Variants in GSK3B observed in about 807,000 individuals in gnomAD.
GSK3B encodes the protein glycogen synthase kinase-3 beta.
GSK3B carries 15 observed loss-of-function variants against 56.4 expected under a neutral mutation model. The ratio of observed to expected loss-of-function variants is 0.27; its 90% confidence interval spans 0.18 to 0.41. The LOEUF is 0.41. Ranked by LOEUF, GSK3B falls within the 10% of genes least tolerant of loss-of-function variation. The pLI is 1.00. For missense variants in GSK3B, 300 were observed against 513.4 expected (o/e 0.58, Z 4.02); for synonymous variants, 181 against 188.9 (o/e 0.96, Z 0.34).
At chr3:119,883,265 T>C (rs189012213) in intron 7 of GSK3B, among the ~76,000 whole-genome samples, 10 of 152,178 alleles carry the variant, frequency 6.6e-5, no homozygotes. Flanking sequence ...CAAAAAGCTC[T>C]CAAATTTGAA....
intron 1 of GSK3B, among the ~76,000 whole-genome samples, chr3:120,088,095 C>T (rs1576320823): frequency 6.6e-6 from 1 of 152,064 alleles, no homozygotes; most frequent in African/African-American, 2.4e-5. Context: ...GGTTTCCCCA[C>T]GTTGGCCAGG....
At chr3:119,849,252 C>T (rs2055895953) in intron 9 of GSK3B, among the ~76,000 whole-genome samples, 1 of 152,142 alleles carries the variant, frequency 6.6e-6, no homozygotes, top group South Asian at 2.1e-4. Flanking sequence ...CAATATTGAA[C>T]ATGAAATGTG....
rs149631706 is a variant in GSK3B, at chr3:119,843,302, C to T, written c.1148G>A (p.Arg383Gln). 239 of 1,611,138 alleles carry T rather than the reference C, an allele frequency of 1.5e-4. 2 individuals are homozygous for T. The African/African-American group carries it at 2.7e-3, about 18-fold the overall frequency. The stretch of plus-strand genomic sequence containing the variant: ...GGGGGTTGAAGCAGCTGCTTGAATC[C>T]GAGCATGAGGAGGAATAAGGATGGT... ...LATILIPPHA[R>Q]IQAAASTPTN... The change falls in exon 10 of 11, where the codon CGG becomes CAG. Residue 383 changes from arginine (R) to glutamine (Q), a missense_variant. Arg to Gln is a conservative substitution (Grantham distance 43, BLOSUM62 1). Transcript: ENST00000264235.
Position 119,825,405 on chromosome 3 carries a change from C to G in GSK3B, c.*1383G>C, listed in dbSNP as rs149350172. The stretch of plus-strand genomic sequence containing the variant: ...CACTGATACACAAAGAAAACAGACA[C>G]AAAAACTCTTAACTGGGTGTGGGGG... On this transcript the variant is annotated 3_prime_UTR_variant, in exon 11 of 11. Coordinates refer to ENST00000264235, the MANE Select transcript of GSK3B (RefSeq NM_001146156.2). 2.0e-3 allele frequency: 455 copies of G among 230,228 alleles called. 1 individual carries two copies. Among genetic ancestry groups the G allele is most frequent in the African/African-American group, 8.7e-3 (393 of 45,228 alleles). 14.3% of individuals were successfully genotyped at this position (230,228 alleles called of 1,614,324 possible).
rs571632116 is a variant in GSK3B, at chr3:120,061,045, CA to C, written c.88+32301del. 1.1e-3 allele frequency among the ~76,000 whole-genome samples: 172 copies of C among 152,160 alleles called. 1 individual carries two copies. Among genetic ancestry groups the C allele is most frequent in the African/African-American group, 3.7e-3 (154 of 41,520 alleles). The stretch of plus-strand genomic sequence containing the variant: ...TTTCTACTCTTTCCATTTCTGTCAT[CA>C]AAAAAACACCATCAAATTGGCAGAA... On this transcript the variant is annotated intron_variant, in intron 1 of 10. Transcript: ENST00000264235.
intron 9 of GSK3B, among the ~76,000 whole-genome samples, chr3:119,851,729 T>C (rs1368036473): frequency 2.0e-5 from 3 of 152,242 alleles, no homozygotes; most frequent in African/African-American, 7.2e-5. Flanking sequence ...CTTTTTCTTC[T>C]ACAAGAAGTC....
chr3:119,866,655 T>C (rs2056187028), intron 8 of GSK3B: 1 of 1,532,292 alleles, frequency 6.5e-7, no homozygotes, highest in Non-Finnish European at 9.0e-7. Context: ...AGTGAAATAA[T>C]CCAAACAGGG....
chr3:120,036,157 T>C (rs1053457089), intron 1 of GSK3B, among the ~76,000 whole-genome samples: 1 of 152,226 alleles, frequency 6.6e-6, no homozygotes, highest in Non-Finnish European at 1.5e-5. Flanking sequence ...TCCTAGTTTA[T>C]TAGTTTTATC....
chr3:119,893,239 T>C (rs2056524194), intron 7 of GSK3B, among the ~76,000 whole-genome samples: 1 of 152,096 alleles, frequency 6.6e-6, no homozygotes, highest in Non-Finnish European at 1.5e-5. Flanking sequence ...CCTCAAGTGA[T>C]CCACCCATCT....
At chr3:119,857,091 C>A (rs1290052405) in intron 9 of GSK3B, among the ~76,000 whole-genome samples, 2 of 152,246 alleles carry the variant, frequency 1.3e-5, no homozygotes, top group East Asian at 3.9e-4. Context: ...ACTAAAAAAT[C>A]CTAAAGATCA....
chr3:120,093,299 T>A, intron 1 of GSK3B, 48 bp downstream of exon 1: 1 of 1,253,196 alleles, frequency 8.0e-7, no homozygotes, highest in Non-Finnish European at 1.2e-6. Context: ...AGGTTTCTTA[T>A]TTTAAGGGCG....
intron 8 of GSK3B, among the ~76,000 whole-genome samples, chr3:119,866,796 C>T (rs1425601139): frequency 6.6e-6 from 1 of 152,052 alleles, no homozygotes; most frequent in East Asian, 1.9e-4. Context: ...TTCACAGTAG[C>T]AAGTCCAAGT....
chr3:119,944,448 G>C (rs2057080587), intron 3 of GSK3B, among the ~76,000 whole-genome samples: 1 of 152,134 alleles, frequency 6.6e-6, no homozygotes, highest in Non-Finnish European at 1.5e-5. Flanking sequence ...TTTTGCTCTA[G>C]AGAAAACCTG....
In GSK3B at chr3:120,093,696, C is replaced by G; in HGVS notation, c.-262G>C. ...GACTTGGGAAAAAATACAATTCTTT[C>G]CCCTCCCTTTCCTGGGAGGAGAGAA... On this transcript the variant is annotated 5_prime_UTR_variant, in exon 1 of 11. Transcript: ENST00000264235. 2.8e-6 allele frequency: 1 copy of G among 361,424 alleles called. No homozygotes were observed. Among genetic ancestry groups the G allele is most frequent in the South Asian group, 1.0e-4 (1 of 9,618 alleles). The allele number at this position is 361,424 out of a possible 1,614,324, so 22.4% of individuals were successfully genotyped here.
chr3:119,855,967 T>TA (rs1176965379), intron 9 of GSK3B, among the ~76,000 whole-genome samples: 3 of 152,174 alleles, frequency 2.0e-5, no homozygotes, highest in Non-Finnish European at 2.9e-5. Context: ...CCCTAGAACT[T>TA]AAAGTATAAT....
intron 1 of GSK3B, among the ~76,000 whole-genome samples, chr3:120,034,996 G>A (rs1461269623): frequency 6.6e-6 from 1 of 152,108 alleles, no homozygotes; most frequent in African/African-American, 2.4e-5. Context: ...GGGTGGCTAA[G>A]GTGGAAGAAT....
chr3:120,025,534 T>C (rs1307069928), intron 1 of GSK3B, among the ~76,000 whole-genome samples: 1 of 152,188 alleles, frequency 6.6e-6, no homozygotes, highest in South Asian at 2.1e-4. Context: ...GATGATCCAA[T>C]ATAAGGATAA....
At chr3:120,041,716 G>A (rs1026040681) in intron 1 of GSK3B, among the ~76,000 whole-genome samples, 5 of 152,124 alleles carry the variant, frequency 3.3e-5, no homozygotes, top group South Asian at 2.1e-4. Context: ...ACAAAGGTCC[G>A]GCCAAAGTTA....
At chr3:119,942,954 C>T (rs1447354061) in intron 3 of GSK3B, among the ~76,000 whole-genome samples, 1 of 152,190 alleles carries the variant, frequency 6.6e-6, no homozygotes, top group African/African-American at 2.4e-5. Context: ...GAATTGACTA[C>T]ATGATGCTCT....
Sources: allele counts gnomAD v4.1 joint callset (sites outside exome capture counted in the v4.1 genomes callset), GRCh38; gene constraint gnomAD v4.1.1; transcripts MANE v1.5; gene names NCBI Gene and HGNC (gene_info 2026-07-23, HGNC 2026-07-21).